ASPH: variants seen among roughly 807,000 people sequenced by gnomAD.
ASPH encodes the protein aspartate beta-hydroxylase, also known as aspartyl/asparaginyl beta-hydroxylase.
ASPH carries 100 observed loss-of-function variants against 118.4 expected under a neutral mutation model. The observed-to-expected ratio is 0.84, with a 90% CI of 0.72 to 1.00. The LOEUF (loss-of-function observed/expected upper bound fraction) is 1.00, where lower values mean the gene tolerates loss of function less well. ASPH is among the 50% of genes least tolerant of loss of function. The pLI, the probability that ASPH is intolerant of heterozygous loss-of-function variation, is 0.00. For synonymous variants in ASPH, 315 were observed against 325.6 expected (o/e 0.97, Z 0.35); for missense variants, 920 against 919.5 (o/e 1.00, Z -0.01).
intron 14 of ASPH, among the ~76,000 whole-genome samples, chr8:61,588,522 A>C (rs1234515876): frequency 6.6e-6 from 1 of 152,336 alleles, no homozygotes; most frequent in African/African-American, 2.4e-5. Flanking sequence ...TACCCATTCC[A>C]CTGAAGACAG....
At chr8:61,664,092 CAACT>C in intron 3 of ASPH, 1 of 975,606 alleles carries the variant, frequency 1.0e-6, no homozygotes, top group Non-Finnish European at 1.2e-6. Flanking sequence ...TTATCATTAT[CAACT>C]AACTGCATTT....
At chr8:61,585,028 G>C (rs1266138769) in intron 14 of ASPH, among the ~76,000 whole-genome samples, 1 of 152,186 alleles carries the variant, frequency 6.6e-6, no homozygotes, top group Non-Finnish European at 1.5e-5. Flanking sequence ...CCCCACTAGG[G>C]GTTTTGTTAT....
intron 1 of ASPH, among the ~76,000 whole-genome samples, chr8:61,705,701 T>A (rs1457236867): frequency 6.6e-6 from 1 of 151,968 alleles, no homozygotes; most frequent in Non-Finnish European, 1.5e-5. Context: ...TTTACAAAGG[T>A]AGAAATGGAT....
chr8:61,556,453 CCTTA>C (rs1827910381), intron 18 of ASPH, among the ~76,000 whole-genome samples: 1 of 152,100 alleles, frequency 6.6e-6, no homozygotes, highest in South Asian at 2.1e-4. Context: ...TTATACATTG[CCTTA>C]ATTAAGAGAA....
Position 61,584,036 on chromosome 8 carries a change from GAA to G in ASPH, c.977-9_977-8del. 6.9e-7 allele frequency: 1 copy of G among 1,453,070 alleles called. No individual in the cohort carries two copies. Among genetic ancestry groups the G allele is most frequent in the African/African-American group, 1.4e-5 (1 of 69,348 alleles). The allele number at this position is 1,453,070 out of a possible 1,614,324, so 90.0% of individuals were successfully genotyped here. On this transcript the variant is annotated splice_polypyrimidine_tract_variant and splice_region_variant and intron_variant, in intron 14 of 24. Transcript: ENST00000379454. ...TTAGGCTTCTTTTTCTTAACTGAAAGAAAAAAGAGATTTTTATTTTTAACGTT... is the reference window on the plus strand; with the variant it reads ...TTAGGCTTCTTTTTCTTAACTGAAAGAAAAGAGATTTTTATTTTTAACGTT...
intron 5 of ASPH, among the ~76,000 whole-genome samples, chr8:61,647,435 C>G (rs537508757): frequency 1.1e-4 from 16 of 152,280 alleles, no homozygotes; most frequent in African/African-American, 3.6e-4. Context: ...CTTTGGGAGG[C>G]TGAGGCAGGC....
rs545901895 is a variant in ASPH, at chr8:61,705,284, A to G, written c.103+8985T>C. On this transcript the variant is annotated intron_variant, in intron 1 of 24. Coordinates refer to ENST00000379454, the MANE Select transcript of ASPH (RefSeq NM_004318.4). ...GAGGAAGGTGCAGATCAAAAAAGCT[A>G]CTCAGCAGGTATTAAGCTTATTACC... Among the ~76,000 whole-genome samples, 15 of 152,234 alleles carry G rather than the reference A, an allele frequency of 9.9e-5. No homozygotes were observed. The South Asian group carries it at 2.9e-3, about 29-fold the overall frequency.
At chr8:61,638,470 CA>C in intron 10 of ASPH, 107 bp from the exon 11 acceptor site, 5 of 971,236 alleles carry the variant, frequency 5.1e-6, no homozygotes, top group Non-Finnish European at 7.8e-6. Context: ...TTTGAACCTG[CA>C]AGGTTCAGTC....
At chr8:61,539,415 AG>A (rs1490140993) in intron 21 of ASPH, among the ~76,000 whole-genome samples, 3 of 152,128 alleles carry the variant, frequency 2.0e-5, no homozygotes, top group Admixed American at 2.0e-4. Context: ...AAAAAGCTTT[AG>A]AACAGTAAAG....
At chr8:61,607,192 G>C (rs1054084117) in intron 14 of ASPH, 2 of 679,802 alleles carry the variant, frequency 2.9e-6, no homozygotes, top group Non-Finnish European at 5.3e-6. Flanking sequence ...ATCCTTCTTA[G>C]CTAGAAGCTG....
In ASPH at chr8:61,570,298, C is replaced by T. The variant is rs185838199; in HGVS notation, c.1150-2980G>A. 2.6e-5 allele frequency among the ~76,000 whole-genome samples: 4 copies of T among 152,228 alleles called. No homozygotes were observed. The East Asian group carries it at 7.7e-4, about 29-fold the overall frequency. Reference sequence around the variant, plus strand: ...TTCTACTGAATATGTATCACTTTCACACCATTATAAAGTTGAAAAATTGTT... The same window carrying T: ...TTCTACTGAATATGTATCACTTTCATACCATTATAAAGTTGAAAAATTGTT... On this transcript the variant is annotated intron_variant, in intron 16 of 24. Coordinates refer to ENST00000379454, the MANE Select transcript of ASPH (RefSeq NM_004318.4).
At chr8:61,675,177 A>C (rs927816170) in intron 3 of ASPH, 2 of 478,874 alleles carry the variant, frequency 4.2e-6, no homozygotes, top group African/African-American at 4.2e-5. Flanking sequence ...ATAAGTTTAT[A>C]ATTCTAAAAA....
At chr8:61,604,345 T>C (rs762083862) in intron 14 of ASPH, among the ~76,000 whole-genome samples, 12 of 152,118 alleles carry the variant, frequency 7.9e-5, no homozygotes, top group East Asian at 3.8e-4. Context: ...CTAAATTAAA[T>C]GGTTAAATTT....
chr8:61,503,615 G>A (rs1021003749), intron 24 of ASPH, 106 bp from the exon 25 acceptor site: 7 of 1,082,512 alleles, frequency 6.5e-6, no homozygotes, highest in African/African-American at 6.4e-5. Flanking sequence ...ACAACCTTTG[G>A]GACATAACCA....
chr8:61,506,655 T>C (rs1806694413), intron 24 of ASPH, among the ~76,000 whole-genome samples: 1 of 152,190 alleles, frequency 6.6e-6, no homozygotes, highest in African/African-American at 2.4e-5. Flanking sequence ...TTAGCATAAT[T>C]GATTCTTTGT....
At chr8:61,602,468 T>G (rs1844296572) in intron 14 of ASPH, among the ~76,000 whole-genome samples, 2 of 151,380 alleles carry the variant, frequency 1.3e-5, no homozygotes. Flanking sequence ...AATGAGCATC[T>G]ATGAAAAATC....
intron 21 of ASPH, among the ~76,000 whole-genome samples, chr8:61,535,380 A>T (rs1299018113): frequency 6.6e-6 from 1 of 151,926 alleles, no homozygotes; most frequent in African/African-American, 2.4e-5. Flanking sequence ...TGTTTTTAAC[A>T]TGTGAACAAA....
chr8:61,511,104 A>C (rs1456324936), intron 24 of ASPH, among the ~76,000 whole-genome samples: 1 of 152,216 alleles, frequency 6.6e-6, no homozygotes, highest in Non-Finnish European at 1.5e-5. Context: ...TAAAAAAATT[A>C]AGTCTCTCTT....
chr8:61,575,068 T>C (rs746763923), intron 16 of ASPH, among the ~76,000 whole-genome samples: 1 of 152,166 alleles, frequency 6.6e-6, no homozygotes, highest in Non-Finnish European at 1.5e-5. Flanking sequence ...GCTAGTAATA[T>C]AACCTCCTCA....
Sources: allele counts gnomAD v4.1 joint callset (sites outside exome capture counted in the v4.1 genomes callset), GRCh38; gene constraint gnomAD v4.1.1; transcripts MANE v1.5; gene names NCBI Gene and HGNC (gene_info 2026-07-23, HGNC 2026-07-21).